Variants in CLK3 observed in about 807,000 individuals in gnomAD.
CLK3 encodes CDC like kinase 3.
CLK3 carries 24 observed loss-of-function variants against 65.2 expected under a neutral mutation model. The ratio of observed to expected loss-of-function variants is 0.37; its 90% CI spans 0.27 to 0.52. The LOEUF is 0.52. Ranked by LOEUF, CLK3 falls within the 20% of genes least tolerant of loss-of-function variation. The pLI, the probability that CLK3 is intolerant of heterozygous loss-of-function variation, is 0.92. For synonymous variants in CLK3, 252 were observed against 240.8 expected (o/e 1.05, Z -0.43); for missense variants, 506 against 660.0 (o/e 0.77, Z 2.56).
Position 74,622,407 on chromosome 15 carries a change from T to C in CLK3, c.467-87T>C. The C allele has an allele frequency of 8.5e-7, 1 of 1,171,698 alleles. No individual in the cohort carries two copies. Among genetic ancestry groups the C allele is most frequent in the Non-Finnish European group, 1.2e-6 (1 of 808,862 alleles). The allele number at this position is 1,171,698 out of a possible 1,614,324, so 72.6% of individuals were successfully genotyped here. ...GCAGTGAGAGAGAAACCTTTTTTGT[T>C]TTTGAGAATTTGAATGCTGTGAACT... On this transcript the variant is annotated intron_variant, in intron 4 of 12. Coordinates refer to ENST00000395066, the MANE Select transcript of CLK3 (RefSeq NM_001130028.2). This position sits in a 1 kb window ranked among gnomAD's most constrained non-coding sequence, Gnocchi z 4.6.
At chr15:74,620,331 T>C in intron 3 of CLK3, 106 bp downstream of exon 3, 31 of 1,414,206 alleles carry the variant, frequency 2.2e-5, no homozygotes, top group Non-Finnish European at 2.9e-5. Flanking sequence ...CCTGTGCACG[T>C]GCACTGGTGT....
At chr15:74,615,942 G>C in intron 1 of CLK3, 44 bp downstream of exon 1, 4 of 1,217,560 alleles carry the variant, frequency 3.3e-6, no homozygotes, top group Non-Finnish European at 4.1e-6. Flanking sequence ...CGGCGGCGGC[G>C]GCCGGGGGTG....
In CLK3 at chr15:74,630,095, TA is replaced by T. The variant is rs1184436007; in HGVS notation, c.*215del. ...CTATTTATATGTTATAAAGTTATAA[TA>T]AAGTGTTTCTTACTGTTTGTAACCC... On this transcript the variant is annotated 3_prime_UTR_variant, in exon 13 of 13. Coordinates refer to ENST00000395066, the MANE Select transcript of CLK3 (RefSeq NM_001130028.2). 4 of 538,344 alleles carry T rather than the reference TA, an allele frequency of 7.4e-6. No homozygotes were observed. Among genetic ancestry groups the T allele is most frequent in the African/African-American group, 3.8e-5 (2 of 53,228 alleles). The allele number at this position is 538,344 out of a possible 1,614,324, so 33.3% of individuals were successfully genotyped here.
chr15:74,612,818 T>C (rs2062007484), upstream of CLK3, among the ~76,000 whole-genome samples: 1 of 152,206 alleles, frequency 6.6e-6, no homozygotes, highest in Admixed American at 6.5e-5. Context: ...CCATACTGGG[T>C]ACAGCTCCCA....
At chr15:74,625,083 T>C in intron 6 of CLK3, 65 bp downstream of exon 6, 2 of 1,205,424 alleles carry the variant, frequency 1.7e-6, no homozygotes, top group South Asian at 1.3e-5. Flanking sequence ...AGGGGCTTAG[T>C]AGTGTGCCTT....
chr15:74,620,491 A>G lies in CLK3; in HGVS notation c.369+266A>G, dbSNP rs112443181. On this transcript the variant is annotated intron_variant, in intron 3 of 12. Transcript: ENST00000395066. ...GCCCCTGGCCTGTCTATGTCTACAC[A>G]GTGCTCCAGACAAAGGCCACGTGGT... is the stretch of plus-strand genomic sequence containing the variant. 1.7e-3 allele frequency: 955 copies of G among 570,822 alleles called. 4 individuals carry two copies. Among genetic ancestry groups the G allele is most frequent in the African/African-American group, 0.016 (877 of 53,508 alleles). The allele number at this position is 570,822 out of a possible 1,614,324, so 35.4% of individuals were successfully genotyped here. A position where few individuals can be genotyped will look rare whatever the true frequency, so the allele number is the denominator to read the frequency against.
rs146399462 is a variant in CLK3 at position 74,620,047 on chromosome 15, G to T, written c.191G>T (p.Arg64Leu). The T allele has an allele frequency of 6.2e-7, 1 of 1,614,150 alleles. No individual in the cohort carries two copies. The highest frequency in any genetic ancestry group is 1.1e-5 in the South Asian group (1 of 91,086). Residue 64 changes from arginine to leucine, a missense_variant, in exon 3 of 13, where the codon CGC becomes CTC. By Grantham distance (102) the Arg-to-Leu change is moderately radical. Coordinates refer to ENST00000395066, the MANE Select transcript of CLK3 (RefSeq NM_001130028.2). ...RLPYQRRYRERRDSDTYRCEE... is the reference protein window; with the variant it reads ...RLPYQRRYRELRDSDTYRCEE... ...CCCTACCAGAGGAGGTACCGGGAGC[G>T]CCGTGACAGCGATACATACCGGTGT...
upstream of CLK3, chr15:74,615,442 G>C (rs1390183475): frequency 4.8e-5 from 61 of 1,275,412 alleles, no homozygotes; most frequent in Non-Finnish European, 6.0e-5. Context: ...CGCTCTCCGG[G>C]GCCCCGAGAA....
In CLK3 at chr15:74,622,114, A is replaced by T; in HGVS notation, c.370-6A>T. ...CGGATGGCGTTTCGGGGGGCGGTGC[A>T]TGCAGAGAAGCCAACAGAGCAGTAA... On this transcript the variant is annotated splice_polypyrimidine_tract_variant and splice_region_variant and intron_variant, in intron 3 of 12. Transcript: ENST00000395066. The surrounding 1 kb of genome is among the most constrained non-coding windows in gnomAD (Gnocchi z 4.6). 1 of 1,614,016 alleles carries T rather than the reference A, an allele frequency of 6.2e-7. No homozygotes were observed. Among genetic ancestry groups the T allele is most frequent in the South Asian group, 1.1e-5 (1 of 91,080 alleles).
Position 74,624,693 on chromosome 15 carries a change from A to C in CLK3, c.534-209A>C. On this transcript the variant is annotated intron_variant, in intron 5 of 12. Transcript: ENST00000395066. The surrounding 1 kb of genome is among the most constrained non-coding windows in gnomAD (Gnocchi z 4.2). Reference sequence around the variant, plus strand: ...GCCTAAGGATGGCAAGGATGCTAAGAGCATTAACTCACAGATCTCAGGGAG... The same window carrying C: ...GCCTAAGGATGGCAAGGATGCTAAGCGCATTAACTCACAGATCTCAGGGAG... The C allele has an allele frequency of 1.7e-6, 1 of 596,316 alleles. No individual in the cohort carries two copies. Among genetic ancestry groups the C allele is most frequent in the South Asian group, 2.0e-5 (1 of 49,700 alleles). The allele number at this position is 596,316 out of a possible 1,614,324, so 36.9% of individuals were successfully genotyped here.
intron 3 of CLK3, chr15:74,620,598 C>T (rs908523124): frequency 6.6e-6 from 2 of 304,474 alleles, no homozygotes; most frequent in African/African-American, 2.1e-5. Flanking sequence ...AGCTATATGG[C>T]CTGGTCCTTC....
chr15:74,629,938 C>G lies in CLK3; in HGVS notation c.*55C>G, dbSNP rs2062180196. ...AGGGCGGGACTGGGCCGCCCAGCCC[C>G]TTGACTCCAGCCTCGACCGCCAGGC... On this transcript the variant is annotated 3_prime_UTR_variant, in exon 13 of 13. Transcript: ENST00000395066. 3.9e-6 allele frequency: 6 copies of G among 1,530,030 alleles called. No homozygotes were observed. In the East Asian group the frequency reaches 1.2e-4, roughly 31 times the overall value. The allele number at this position is 1,530,030 out of a possible 1,614,324, so 94.8% of individuals were successfully genotyped here.
intron 5 of CLK3, chr15:74,623,968 CT>C (rs1363532278): frequency 6.6e-6 from 1 of 152,212 alleles, no homozygotes; most frequent in Non-Finnish European, 1.5e-5. Context: ...GGCCTTTCCC[CT>C]GAGGTCCCTT....
chr15:74,620,177 C>T lies in CLK3; in HGVS notation c.321C>T (p.Ala107=), dbSNP rs943934447. The change falls in exon 3 of 13, where the codon GCC becomes GCT. Residue 107 remains alanine, a synonymous_variant. Transcript: ENST00000395066. The part of the protein sequence containing the change: ...ERGPYRTRKH[A]HHCHKRRTRS... Reference sequence around the variant, plus strand: ...GGCCATACCGGACCCGCAAGCATGCCCACCACTGCCACAAACGCCGCACCA... The same window carrying T: ...GGCCATACCGGACCCGCAAGCATGCTCACCACTGCCACAAACGCCGCACCA... 2 of 1,613,948 alleles carry T rather than the reference C, an allele frequency of 1.2e-6. No homozygotes were observed. The highest frequency in any genetic ancestry group is 2.7e-5 in the African/African-American group (2 of 74,940).
intron 1 of CLK3, among the ~76,000 whole-genome samples, chr15:74,617,809 C>T (rs576469262): frequency 6.6e-6 from 1 of 152,342 alleles, no homozygotes; most frequent in South Asian, 2.1e-4. Flanking sequence ...TGCTTTCATT[C>T]CATAGCTTGG....
At chr15:74,619,834 TG>T in intron 2 of CLK3, 174 bp from the exon 3 acceptor site, 1 of 994,250 alleles carries the variant, frequency 1.0e-6, no homozygotes, top group Non-Finnish European at 1.4e-6. Context: ...GACAGGGCTC[TG>T]GAGGGCGGGC....
rs998948391 is a variant in CLK3 at position 74,620,201 on chromosome 15, C to G, written c.345C>G (p.Thr115=). ...CCCACCACTGCCACAAACGCCGCAC[C>G]AGGTCTTGTAGCAGCGCCTCCTCGG... ...KHAHHCHKRR[T]RSCSSASSRS... The change falls in exon 3 of 13, where the codon ACC becomes ACG. Residue 115 remains threonine, a synonymous_variant. Transcript: ENST00000395066. The G allele has an allele frequency of 4.3e-6, 7 of 1,614,122 alleles. No individual in the cohort carries two copies. The highest frequency in any genetic ancestry group is 5.9e-6 in the Non-Finnish European group (7 of 1,180,048).
chr15:74,615,995 A>G (rs1367820129), intron 1 of CLK3, 97 bp downstream of exon 1: 1 of 938,098 alleles, frequency 1.1e-6, no homozygotes, highest in Admixed American at 4.3e-5. Context: ...GTCTCGGCCT[A>G]CTCCCTTTCT....
chr15:74,614,099 T>C (rs1399440586), upstream of CLK3, among the ~76,000 whole-genome samples: 1 of 152,100 alleles, frequency 6.6e-6, no homozygotes, highest in African/African-American at 2.4e-5. Context: ...CTGCAATCTC[T>C]GCCTCCCGGG....
Sources: allele counts gnomAD v4.1 joint callset (sites outside exome capture counted in the v4.1 genomes callset), GRCh38; gene constraint gnomAD v4.1.1; non-coding constraint Gnocchi (gnomAD v3.1); transcripts MANE v1.5; gene names NCBI Gene and HGNC (gene_info 2026-07-23, HGNC 2026-07-21).